EEFSEC: variants seen among roughly 807,000 people sequenced by gnomAD.
EEFSEC encodes the protein eukaryotic elongation factor, selenocysteine-tRNA specific, also known as selenocysteine-specific elongation factor.
Under a neutral mutation model 42.1 loss-of-function variants are expected in EEFSEC, and 43 were observed. The ratio of observed to expected loss-of-function variants is 1.02; its 90% CI spans 0.80 to 1.32. EEFSEC has a LOEUF of 1.32. Ranked by LOEUF, EEFSEC falls within the 40% of genes most tolerant of loss-of-function variation. The pLI, the probability that EEFSEC is intolerant of heterozygous loss-of-function variation, is 0.00. For synonymous variants in EEFSEC, 354 were observed against 339.1 expected, an observed-to-expected ratio of 1.04 and a Z score of -0.48; for missense variants, 745 against 803.6, an observed-to-expected ratio of 0.93 and a Z score of 0.88.
intron 6 of EEFSEC, among the ~76,000 whole-genome samples, chr3:128,399,541 A>G (rs900035714): frequency 6.6e-6 from 1 of 152,166 alleles, no homozygotes; most frequent in Non-Finnish European, 1.5e-5. Flanking sequence ...ATCTTTGTTT[A>G]CATACGGGAT....
At chr3:128,169,158 G>A (rs2065269849) in intron 1 of EEFSEC, among the ~76,000 whole-genome samples, 1 of 152,174 alleles carries the variant, frequency 6.6e-6, no homozygotes, top group Non-Finnish European at 1.5e-5. Flanking sequence ...TAATGGATGT[G>A]GGGCATCTAC....
intron 1 of EEFSEC, among the ~76,000 whole-genome samples, chr3:128,183,817 A>C (rs1042386994): frequency 6.6e-6 from 1 of 152,228 alleles, no homozygotes; most frequent in Non-Finnish European, 1.5e-5. Flanking sequence ...ATGGCTTGAC[A>C]TAAGTTGCTT....
At chr3:128,306,388 C>T (rs1412729630) in intron 4 of EEFSEC, among the ~76,000 whole-genome samples, 1 of 152,162 alleles carries the variant, frequency 6.6e-6, no homozygotes, top group Non-Finnish European at 1.5e-5. Context: ...ATTTACTATT[C>T]ATATCCTCAC....
chr3:128,292,838 CT>C (rs1418749592), intron 4 of EEFSEC, among the ~76,000 whole-genome samples: 1 of 150,728 alleles, frequency 6.6e-6, no homozygotes, highest in Non-Finnish European at 1.5e-5. Flanking sequence ...TTTCTACTTT[CT>C]TTGGGTTTAC....
chr3:128,158,866 A>G (rs1453124430), intron 1 of EEFSEC, among the ~76,000 whole-genome samples: 1 of 152,246 alleles, frequency 6.6e-6, no homozygotes, highest in Non-Finnish European at 1.5e-5. Context: ...GCCTGGTCCT[A>G]TATAACCAAT....
At chr3:128,284,505 C>G (rs2066562965) in intron 4 of EEFSEC, among the ~76,000 whole-genome samples, 1 of 152,068 alleles carries the variant, frequency 6.6e-6, no homozygotes, top group African/African-American at 2.4e-5. Context: ...AGGCTCCTTC[C>G]TCAGTTACTG....
intron 4 of EEFSEC, among the ~76,000 whole-genome samples, chr3:128,293,250 G>A (rs2066662955): frequency 1.3e-5 from 2 of 152,174 alleles, no homozygotes; most frequent in Non-Finnish European, 2.9e-5. Context: ...AATGTGTATA[G>A]GCAGATGATA....
At chr3:128,418,638 C>A in the EEFSEC span, among the ~76,000 whole-genome samples, 1 of 151,432 alleles carries the variant, frequency 6.6e-6, no homozygotes, top group Admixed American at 6.6e-5. Context: ...TCTGCTCACA[C>A]CCCAACTCTG....
At chr3:128,209,515 T>G (rs1170571738) in intron 1 of EEFSEC, among the ~76,000 whole-genome samples, 1 of 152,214 alleles carries the variant, frequency 6.6e-6, no homozygotes, top group African/African-American at 2.4e-5. Flanking sequence ...CAAACTACAG[T>G]CATTTTAGAA....
At chr3:128,274,394 C>A (rs2066445427) in intron 4 of EEFSEC, among the ~76,000 whole-genome samples, 3 of 152,248 alleles carry the variant, frequency 2.0e-5, no homozygotes, top group Admixed American at 2.0e-4. Context: ...GAAGCCTCAG[C>A]CCCTGCACCC....
chr3:128,180,099 TG>T (rs34977128), intron 1 of EEFSEC, among the ~76,000 whole-genome samples: 43,042 of 151,918 alleles, frequency 0.28, 6,252 homozygotes, highest in South Asian at 0.36. Context: ...CTCATGTTTT[TG>T]GTTTTTTTTT....
chr3:128,250,326 G>A (rs147057657), intron 2 of EEFSEC, among the ~76,000 whole-genome samples: 7 of 152,068 alleles, frequency 4.6e-5, no homozygotes, highest in Admixed American at 1.3e-4. Context: ...AACTGTTGCC[G>A]AATCCTGTGT....
chr3:128,213,713 A>T (rs1475822762), intron 1 of EEFSEC, among the ~76,000 whole-genome samples: 2 of 151,792 alleles, frequency 1.3e-5, no homozygotes, highest in Non-Finnish European at 2.9e-5. Flanking sequence ...TTAAACTCAC[A>T]TACTTACTTT....
intron 1 of EEFSEC, among the ~76,000 whole-genome samples, chr3:128,191,319 G>A (rs535577496): frequency 6.6e-6 from 1 of 151,866 alleles, no homozygotes; most frequent in Admixed American, 6.6e-5. Flanking sequence ...TTATAGATGG[G>A]TCACATTCTC....
chr3:128,224,168 G>C (rs551034440), intron 1 of EEFSEC, among the ~76,000 whole-genome samples: 1 of 152,248 alleles, frequency 6.6e-6, no homozygotes, highest in South Asian at 2.1e-4. Context: ...GATTTCCCAA[G>C]CTATCACCTT....
intron 4 of EEFSEC, among the ~76,000 whole-genome samples, chr3:128,308,409 G>A (rs2066855238): frequency 6.6e-6 from 1 of 152,202 alleles, no homozygotes; most frequent in Admixed American, 6.5e-5. Context: ...TGTGTGCCAC[G>A]TGCTGAGCTA....
chr3:128,402,447 C>T (rs2068059053), intron 6 of EEFSEC, among the ~76,000 whole-genome samples: 1 of 152,190 alleles, frequency 6.6e-6, no homozygotes, highest in African/African-American at 2.4e-5. Flanking sequence ...CTTAGAGGCC[C>T]TTTGTAGTTC....
downstream of EEFSEC, among the ~76,000 whole-genome samples, chr3:128,411,879 G>C (rs762201271): frequency 6.6e-6 from 1 of 152,222 alleles, no homozygotes; most frequent in Admixed American, 6.5e-5. Flanking sequence ...GTGCATGTGC[G>C]CACACGGGCT....
chr3:128,376,948 G>A (rs73861055), intron 6 of EEFSEC, among the ~76,000 whole-genome samples: 10,811 of 152,140 alleles, frequency 0.071, 789 homozygotes, highest in African/African-American at 0.19. Flanking sequence ...TGGCTTCTTC[G>A]TGCCCAGCAG....
Sources: allele counts gnomAD v4.1 joint callset (sites outside exome capture counted in the v4.1 genomes callset), GRCh38; gene constraint gnomAD v4.1.1; transcripts MANE v1.5; gene names NCBI Gene and HGNC (gene_info 2026-07-23, HGNC 2026-07-21).